LHPP: variants seen among roughly 807,000 people sequenced by gnomAD.
LHPP encodes the protein hLHPP.
In LHPP, 24 loss-of-function variants were observed where a neutral mutation model predicts 30.3. That is an observed-to-expected ratio of 0.79 (90% confidence interval 0.57 to 1.11). The LOEUF (loss-of-function observed/expected upper bound fraction) is 1.11. LHPP is among the 50% of genes most tolerant of loss of function. The pLI is 0.00. For missense variants in LHPP, 356 were observed against 367.2 expected (o/e 0.97, Z 0.25); for synonymous variants, 150 against 157.1 (o/e 0.95, Z 0.34).
chr10:124,514,101 T>TC (rs1054799678), intron 5 of LHPP, among the ~76,000 whole-genome samples: 13 of 151,962 alleles, frequency 8.6e-5, no homozygotes, highest in African/African-American at 3.1e-4. Flanking sequence ...ATGAGCAGAG[T>TC]CCATTATGCT....
intron 1 of LHPP, among the ~76,000 whole-genome samples, chr10:124,480,638 A>G (rs1589769737): frequency 6.6e-6 from 1 of 152,246 alleles, no homozygotes; most frequent in African/African-American, 2.4e-5. Context: ...TCCATAATGT[A>G]CAAGGTGACG....
At chr10:124,561,192 G>A (rs2133970652) in intron 6 of LHPP, among the ~76,000 whole-genome samples, 1 of 152,288 alleles carries the variant, frequency 6.6e-6, no homozygotes, top group Non-Finnish European at 1.5e-5. Flanking sequence ...AAAACATTTA[G>A]GCAATAACTG....
chr10:124,504,853 G>T (rs73365862), intron 5 of LHPP, among the ~76,000 whole-genome samples: 2 of 152,022 alleles, frequency 1.3e-5, no homozygotes, highest in Non-Finnish European at 2.9e-5. Context: ...CCTCATGGGG[G>T]TCTGGTGAAT....
chr10:124,544,523 G>A (rs1364757731), intron 6 of LHPP, among the ~76,000 whole-genome samples: 1 of 142,574 alleles, frequency 7.0e-6, no homozygotes, highest in Non-Finnish European at 1.5e-5. Context: ...GCGTGCTCAA[G>A]CTGACACAGC....
intron 1 of LHPP, among the ~76,000 whole-genome samples, 198 bp downstream of exon 1, chr10:124,462,185 T>G (rs1952423659): frequency 6.6e-6 from 1 of 152,170 alleles, no homozygotes; most frequent in Non-Finnish European, 1.5e-5. Context: ...ACCAGGACTC[T>G]GCTGGTTAGG....
chr10:124,603,422 G>A (rs888963546), intron 6 of LHPP, among the ~76,000 whole-genome samples: 101 of 152,304 alleles, frequency 6.6e-4, no homozygotes, highest in African/African-American at 2.4e-3. Flanking sequence ...CTGGGCCAGT[G>A]GGAAAGGGAG....
chr10:124,505,233 G>A (rs1025221375), intron 5 of LHPP, among the ~76,000 whole-genome samples: 1 of 152,140 alleles, frequency 6.6e-6, no homozygotes, highest in Non-Finnish European at 1.5e-5. Context: ...TGTATTTCAA[G>A]ATAAGGCCAT....
At chr10:124,471,961 A>C (rs372572003) in intron 1 of LHPP, among the ~76,000 whole-genome samples, 78 of 151,576 alleles carry the variant, frequency 5.1e-4, no homozygotes, top group African/African-American at 1.8e-3. Context: ...TCTGTGTTCA[A>C]ATTTATAATG....
chr10:124,508,637 T>C (rs1465631754), intron 5 of LHPP, among the ~76,000 whole-genome samples: 1 of 151,682 alleles, frequency 6.6e-6, no homozygotes, highest in African/African-American at 2.4e-5. Context: ...AAAACACAAG[T>C]ATTTAAAATA....
intron 6 of LHPP, among the ~76,000 whole-genome samples, chr10:124,534,421 C>T (rs1043905994): frequency 2.6e-5 from 4 of 152,260 alleles, no homozygotes; most frequent in African/African-American, 9.6e-5. Flanking sequence ...CGTCGGAGGC[C>T]GAGGACGGCT....
chr10:124,539,358 G>T (rs1589843313), intron 6 of LHPP, among the ~76,000 whole-genome samples: 2 of 152,176 alleles, frequency 1.3e-5, no homozygotes, highest in Admixed American at 1.3e-4. Flanking sequence ...GGGTGAGGTG[G>T]CCCTGCCTGT....
Position 124,466,380 on chromosome 10 carries a change from A to G in LHPP, c.125+4393A>G, listed in dbSNP as rs1952553163. 2.0e-5 allele frequency among the ~76,000 whole-genome samples: 3 copies of G among 152,214 alleles called. 1 individual carries two copies. In the South Asian group the frequency reaches 6.2e-4, roughly 31 times the overall value. ...CAGAGTCTGGGAAGAGCTGGAGGAT[A>G]AGGAAAGTGGGGGCCACTGTGTGGT... On this transcript the variant is annotated intron_variant, in intron 1 of 6. Coordinates refer to ENST00000368842, the MANE Select transcript of LHPP (RefSeq NM_022126.4).
chr10:124,573,528 C>G (rs1187205762), intron 6 of LHPP, among the ~76,000 whole-genome samples: 2 of 152,204 alleles, frequency 1.3e-5, no homozygotes, highest in Non-Finnish European at 2.9e-5. Context: ...CCAGGCTGGT[C>G]TTGAACTCCT....
chr10:124,610,414 T>C (rs1479655611), intron 6 of LHPP, among the ~76,000 whole-genome samples: 6 of 99,752 alleles, frequency 6.0e-5, no homozygotes, highest in African/African-American at 1.2e-4. Context: ...GTGGAGCGGG[T>C]GAGGGTGAGG....
chr10:124,463,102 C>T (rs1589744274), intron 1 of LHPP, among the ~76,000 whole-genome samples: 1 of 152,332 alleles, frequency 6.6e-6, no homozygotes, highest in East Asian at 1.9e-4. Flanking sequence ...CTCCTGACCT[C>T]AGGTGATCCA....
At chr10:124,573,716 C>A (rs999246368) in intron 6 of LHPP, among the ~76,000 whole-genome samples, 2 of 152,212 alleles carry the variant, frequency 1.3e-5, no homozygotes, top group Non-Finnish European at 1.5e-5. Context: ...CTTGCTGCCA[C>A]ATCATCATCC....
chr10:124,461,903 T>C lies in LHPP; in HGVS notation c.41T>C (p.Val14Ala). The change falls in exon 1 of 7, where the codon GTG becomes GCG. Residue 14 changes from valine to alanine, a missense_variant. By Grantham distance (64) the Val-to-Ala change is moderately conservative. Transcript: ENST00000368842. ...AAGCGGCTGGCTGGCGTGCGCGGGG[T>C]GCTGCTTGACATCTCGGGCGTGCTG... ...WGKRLAGVRGVLLDISGVLYD... is the reference protein window; with the variant it reads ...WGKRLAGVRGALLDISGVLYD... 1 of 1,255,134 alleles carries C rather than the reference T, an allele frequency of 8.0e-7. No individual in the cohort carries two copies. The highest frequency in any genetic ancestry group is 1.0e-6 in the Non-Finnish European group (1 of 996,960). 77.7% of individuals were successfully genotyped at this position (1,255,134 alleles called of 1,614,324 possible).
At chr10:124,585,727 C>T (rs935125261) in intron 6 of LHPP, among the ~76,000 whole-genome samples, 1 of 151,974 alleles carries the variant, frequency 6.6e-6, no homozygotes, top group African/African-American at 2.4e-5. Flanking sequence ...GCCTCCCGAG[C>T]AGCAAGCAGG....
chr10:124,550,839 A>G (rs1428259622), intron 6 of LHPP, among the ~76,000 whole-genome samples: 1 of 152,134 alleles, frequency 6.6e-6, no homozygotes, highest in African/African-American at 2.4e-5. Context: ...CCTCCTGCCC[A>G]CGGCCCTGCC....
Sources: gnomAD v4.1 joint callset for allele counts (sites outside exome capture counted in the v4.1 genomes callset) on GRCh38, gnomAD v4.1.1 for gene constraint, MANE v1.5 for transcripts, NCBI Gene and HGNC (gene_info 2026-07-23, HGNC 2026-07-21) for gene names.